The following KLF12 variants were observed in gnomAD, a reference collection of about 807,000 sequenced individuals.
KLF12 encodes KLF transcription factor 12.
Under a neutral mutation model 37.8 loss-of-function variants are expected in KLF12, and 9 were observed. The observed-to-expected ratio is 0.24, with a 90% confidence interval of 0.14 to 0.42. The LOEUF (loss-of-function observed/expected upper bound fraction) is 0.42, where lower values mean the gene tolerates loss of function less well. KLF12 is among the 10% of genes least tolerant of loss of function. KLF12 has a pLI of 1.00. For missense variants in KLF12, 411 were observed against 516.0 expected (o/e 0.80, Z 1.97); for synonymous variants, 208 against 202.1 (o/e 1.03, Z -0.25).
At chr13:74,279,731 G>A in the KLF12 span, among the ~76,000 whole-genome samples, 338 of 152,258 alleles carry the variant, frequency 2.2e-3, 1 homozygote, top group African/African-American at 7.6e-3. Flanking sequence ...ACATCAGGTG[G>A]TTGTCCCATA....
At chr13:73,809,683 T>C (rs918432737) in intron 5 of KLF12, among the ~76,000 whole-genome samples, 1 of 152,196 alleles carries the variant, frequency 6.6e-6, no homozygotes, top group African/African-American at 2.4e-5. Context: ...TATCTACATT[T>C]AAGAGGTCTC....
the KLF12 span, among the ~76,000 whole-genome samples, chr13:74,202,489 G>T: frequency 6.6e-6 from 1 of 152,040 alleles, no homozygotes; most frequent in Non-Finnish European, 1.5e-5. Context: ...ACATCTTTCT[G>T]GTTGCAAGGC....
In KLF12 at chr13:73,948,580, G is replaced by A. The variant is rs536004536; in HGVS notation, c.34-4510C>T. On this transcript the variant is annotated intron_variant, in intron 2 of 7. Transcript: ENST00000377669. ...ACTGGTTAAAAGTAACATCCTGTGG[G>A]TACCTCTTCCTATAGAAAAAGTATC... is the stretch of plus-strand genomic sequence containing the variant. Among the ~76,000 whole-genome samples the A allele has an allele frequency of 2.0e-5, 3 of 152,256 alleles. No individual in the cohort carries two copies. In the South Asian group the frequency reaches 6.2e-4, roughly 32 times the overall value.
intron 3 of KLF12, among the ~76,000 whole-genome samples, chr13:73,893,971 C>G (rs1010837904): frequency 6.6e-6 from 1 of 152,114 alleles, no homozygotes; most frequent in African/African-American, 2.4e-5. Context: ...CTGGCTCCAT[C>G]AGAAAGGAAC....
chr13:73,948,698 C>T (rs773052179), intron 2 of KLF12, among the ~76,000 whole-genome samples: 4 of 152,172 alleles, frequency 2.6e-5, no homozygotes, highest in Admixed American at 6.5e-5. Flanking sequence ...ACCACAAACA[C>T]CAATAACAGC....
At chr13:73,995,637 T>A (rs1434340573) in intron 1 of KLF12, among the ~76,000 whole-genome samples, 5 of 152,148 alleles carry the variant, frequency 3.3e-5, no homozygotes, top group Non-Finnish European at 5.9e-5. Context: ...TTAATATATG[T>A]CCCTTCTTTT....
chr13:74,002,290 C>T (rs541009334), intron 1 of KLF12, among the ~76,000 whole-genome samples: 4 of 152,330 alleles, frequency 2.6e-5, no homozygotes, highest in African/African-American at 9.6e-5. Context: ...TAACCATATG[C>T]TTCTCTCATT....
chr13:74,222,466 G>A, the KLF12 span, among the ~76,000 whole-genome samples: 7 of 152,252 alleles, frequency 4.6e-5, no homozygotes, highest in East Asian at 1.2e-3. Flanking sequence ...CTAGTCATCA[G>A]GGCCTATATC....
intron 4 of KLF12, among the ~76,000 whole-genome samples, chr13:73,822,122 T>C (rs1379845906): frequency 1.3e-5 from 2 of 152,224 alleles, no homozygotes; most frequent in Non-Finnish European, 2.9e-5. Flanking sequence ...GATGAGAGAT[T>C]CTGCAATATA....
chr13:74,145,095 G>A, the KLF12 span, among the ~76,000 whole-genome samples: 1 of 151,974 alleles, frequency 6.6e-6, no homozygotes, highest in African/African-American at 2.4e-5. Flanking sequence ...AAATAAAACA[G>A]TTCATGGAAT....
At chr13:73,832,740 T>G (rs2138591684) in intron 4 of KLF12, among the ~76,000 whole-genome samples, 1 of 152,334 alleles carries the variant, frequency 6.6e-6, no homozygotes, top group Admixed American at 6.5e-5. Context: ...TTTAACTCTG[T>G]GGTACAAATA....
intron 3 of KLF12, among the ~76,000 whole-genome samples, chr13:73,870,298 T>C (rs1033430927): frequency 1.3e-5 from 2 of 152,214 alleles, no homozygotes; most frequent in Non-Finnish European, 2.9e-5. Flanking sequence ...AAGTTGAAGA[T>C]TTACCAGATG....
At chr13:73,962,033 T>C (rs1891037490) in intron 2 of KLF12, 2 of 454,394 alleles carry the variant, frequency 4.4e-6, no homozygotes, top group Non-Finnish European at 8.8e-6. Context: ...GCAACCTTTA[T>C]AGCAGCATTA....
intron 4 of KLF12, among the ~76,000 whole-genome samples, chr13:73,827,065 G>T (rs1485697991): frequency 1.3e-5 from 2 of 152,162 alleles, no homozygotes; most frequent in Non-Finnish European, 2.9e-5. Context: ...ACAGGCATGA[G>T]CCTCCGCAAC....
rs534982512 is a variant in KLF12, at chr13:73,881,475, T to C, written c.124-35102A>G. On this transcript the variant is annotated intron_variant, in intron 3 of 7. Transcript: ENST00000377669. ...TATAAATATTAAGAAAACCATTCATTTTTTTTTCAAATGGCATGATTTAGT... is the reference window on the plus strand; with the variant it reads ...TATAAATATTAAGAAAACCATTCATCTTTTTTTCAAATGGCATGATTTAGT... Among the ~76,000 whole-genome samples the C allele has an allele frequency of 1.8e-3, 276 of 152,136 alleles. 1 individual carries two copies. Among genetic ancestry groups the C allele is most frequent in the African/African-American group, 6.6e-3 (273 of 41,536 alleles).
intron 3 of KLF12, among the ~76,000 whole-genome samples, chr13:73,882,880 C>A (rs536946958): frequency 2.8e-4 from 43 of 152,190 alleles, no homozygotes; most frequent in Non-Finnish European, 5.1e-4. Flanking sequence ...ATGTATAGGG[C>A]GATTTAGGGA....
chr13:73,934,272 G>A (rs752490123), intron 3 of KLF12, among the ~76,000 whole-genome samples: 29 of 151,996 alleles, frequency 1.9e-4, no homozygotes, highest in Admixed American at 3.9e-4. Flanking sequence ...TATCACTTAC[G>A]ACTTACTGAC....
At chr13:74,037,811 TACA>T (rs1893296572) in intron 1 of KLF12, among the ~76,000 whole-genome samples, 1 of 152,190 alleles carries the variant, frequency 6.6e-6, no homozygotes, top group Non-Finnish European at 1.5e-5. Context: ...GGGCAATGAA[TACA>T]GATAAAATCA....
intron 1 of KLF12, among the ~76,000 whole-genome samples, chr13:74,118,522 CATT>C (rs1163177954): frequency 6.6e-6 from 1 of 152,168 alleles, no homozygotes; most frequent in Non-Finnish European, 1.5e-5. Flanking sequence ...ACTTTCCATA[CATT>C]ATGTTAATCT....
Sources: allele counts gnomAD v4.1 joint callset (sites outside exome capture counted in the v4.1 genomes callset), GRCh38; gene constraint gnomAD v4.1.1; transcripts MANE v1.5; gene names NCBI Gene and HGNC (gene_info 2026-07-23, HGNC 2026-07-21).